Variants in ALMS1 observed in about 807,000 individuals in gnomAD.
ALMS1 encodes the protein ALMS1 centrosome and basal body associated protein.
A neutral mutation model predicts 352.2 loss-of-function variants in ALMS1; 271 were observed. The observed-to-expected ratio is 0.77, with a 90% CI of 0.70 to 0.85. The LOEUF (loss-of-function observed/expected upper bound fraction) is 0.85, where lower values mean the gene tolerates loss of function less well. Among genes scored for constraint, ALMS1 ranks in the 40% least tolerant of loss-of-function variants. The pLI is 0.00. For synonymous variants in ALMS1, 1,865 were observed against 1,761.2 expected, an observed-to-expected ratio of 1.06 and a Z score of -1.48; for missense variants, 5,445 against 4,870.7, an observed-to-expected ratio of 1.12 and a Z score of -3.51.
intron 9 of ALMS1, among the ~76,000 whole-genome samples, chr2:73,484,838 C>T (rs990628431): frequency 1.3e-5 from 2 of 152,218 alleles, no homozygotes; most frequent in South Asian, 2.1e-4. Flanking sequence ...TCTTCCATCG[C>T]TGATACCCTT....
chr2:73,425,748 G>A lies in ALMS1; in HGVS notation c.1238-705G>A, dbSNP rs1671365643. Reference sequence around the variant, plus strand: ...ATGATGAAACCTCTTTATTTGATAGGCTTAAACATCCATGCTATCAGTCTA... The same window carrying A: ...ATGATGAAACCTCTTTATTTGATAGACTTAAACATCCATGCTATCAGTCTA... On this transcript the variant is annotated intron_variant, in intron 5 of 22. Coordinates refer to ENST00000613296, the MANE Select transcript of ALMS1 (RefSeq NM_001378454.1). Among the ~76,000 whole-genome samples, 3 of 152,082 alleles carry A rather than the reference G, an allele frequency of 2.0e-5. No individual in the cohort carries two copies. In the South Asian group the frequency reaches 6.2e-4, roughly 32 times the overall value.
In ALMS1 at chr2:73,453,803, T is replaced by G. The variant is rs549778430; in HGVS notation, c.7276T>G (p.Cys2426Gly). ...TGATGCCAGTGATGGAAATGGTTCC[T>G]GCTCGTGGGACAGTAATTTACCAGA... ...SSDASDGNGS[C>G]SWDSNLPESL... Residue 2426 changes from cysteine (C) to glycine (G), a missense_variant, in exon 8 of 23, where the codon TGC becomes GGC. By Grantham distance (159) the Cys-to-Gly change is radical (BLOSUM62 -3). Transcript: ENST00000613296. 11 of 1,614,166 alleles carry G rather than the reference T, an allele frequency of 6.8e-6. No individual in the cohort carries two copies. The African/African-American group carries it at 1.2e-4, about 18-fold the overall frequency.
At chr2:73,397,063 C>T (rs1455980151) in intron 1 of ALMS1, among the ~76,000 whole-genome samples, 1 of 152,140 alleles carries the variant, frequency 6.6e-6, no homozygotes, top group Non-Finnish European at 1.5e-5. Flanking sequence ...AGGTATTTTT[C>T]TCTCATCTTA....
chr2:73,466,926 T>C (rs192767002), intron 9 of ALMS1, among the ~76,000 whole-genome samples: 371 of 152,268 alleles, frequency 2.4e-3, no homozygotes, highest in South Asian at 0.016. Flanking sequence ...AAAAAGCTGT[T>C]ATTTACTTTA....
chr2:73,389,235 T>G (rs2103625951), intron 1 of ALMS1, among the ~76,000 whole-genome samples: 1 of 152,372 alleles, frequency 6.6e-6, no homozygotes, highest in African/African-American at 2.4e-5. Context: ...CTCGTATGTC[T>G]TCTTTTGAGA....
intron 1 of ALMS1, among the ~76,000 whole-genome samples, chr2:73,396,409 G>A (rs1670762952): frequency 6.6e-6 from 1 of 151,656 alleles, no homozygotes; most frequent in Admixed American, 6.6e-5. Context: ...TTCTTTTGAT[G>A]CTTTTGTCTG....
rs565539935 is a variant in ALMS1, at chr2:73,399,817, C to G, written c.325-8805C>G. On this transcript the variant is annotated intron_variant, in intron 1 of 22. Transcript: ENST00000613296. Reference sequence around the variant, plus strand: ...TCTATGTCAAGTTGAGAATATTCCCCTCTATTCCTATTTTAATGAGAATAT... The same window carrying G: ...TCTATGTCAAGTTGAGAATATTCCCGTCTATTCCTATTTTAATGAGAATAT... Among the ~76,000 whole-genome samples the G allele has an allele frequency of 3.3e-5, 5 of 152,064 alleles. No individual in the cohort carries two copies. The South Asian group carries it at 6.2e-4, about 19-fold the overall frequency.
At position 73,449,934 on chromosome 2, in the gene ALMS1, C is replaced by T. The variant is rs756805885; in HGVS notation, c.3407C>T (p.Thr1136Ile). The T allele has an allele frequency of 8.7e-6, 14 of 1,613,822 alleles. No individual in the cohort carries two copies. The highest frequency in any genetic ancestry group is 9.3e-6 in the Non-Finnish European group (11 of 1,179,954). The stretch of plus-strand genomic sequence containing the variant: ...GGACTAGCAGACCAGAAGACTGGCA[C>T]ACCAACTGTAACCTCAACTTCCTAC... ...APGLADQKTG[T>I]PTVTSTSYSQ... The change falls in exon 8 of 23, where the codon ACA becomes ATA. Residue 1136 changes from threonine (T) to isoleucine (I), a missense_variant. Physicochemically the swap from Thr to Ile is moderately conservative, Grantham distance 89 (BLOSUM62 -1). Coordinates refer to ENST00000613296, the MANE Select transcript of ALMS1 (RefSeq NM_001378454.1).
chr2:73,489,693 T>C lies in ALMS1; in HGVS notation c.7734T>C (p.Ile2578=), dbSNP rs1287366923. The C allele has an allele frequency of 6.2e-7, 1 of 1,614,086 alleles. No homozygotes were observed. Among genetic ancestry groups the C allele is most frequent in the Admixed American group, 1.7e-5 (1 of 60,018 alleles). The part of the protein sequence containing the change: ...CKPEAVCSHI[I]IESHEKGCFR... ...CAGAAGCTGTATGTAGTCACATTAT[T>C]ATTGAGAGCCATGAAAAGGGATGTT... The change falls in exon 10 of 23, where the codon ATT becomes ATC. Residue 2578 remains isoleucine (I), a synonymous_variant. Coordinates refer to ENST00000613296, the MANE Select transcript of ALMS1 (RefSeq NM_001378454.1).
At chr2:73,432,425 C>A in intron 7 of ALMS1, 134 bp downstream of exon 7, 1 of 659,350 alleles carries the variant, frequency 1.5e-6, no homozygotes. Context: ...GTTTATAAAT[C>A]CTGTCTTAGT....
At chr2:73,457,280 G>T (rs1047209141) in intron 9 of ALMS1, 4 of 152,106 alleles carry the variant, frequency 2.6e-5, no homozygotes, top group African/African-American at 9.7e-5. Flanking sequence ...TGCCCAGGCT[G>T]GACTGCAGTG....
intron 10 of ALMS1, among the ~76,000 whole-genome samples, chr2:73,494,279 T>TG (rs1195041181): frequency 2.8e-4 from 42 of 152,294 alleles, no homozygotes; most frequent in African/African-American, 9.6e-4. Context: ...ACCCAAGGGT[T>TG]GGGAATTCCA....
chr2:73,467,728 A>T lies in ALMS1; in HGVS notation c.7674+12433A>T, dbSNP rs149077823. Among the ~76,000 whole-genome samples, 10 of 152,194 alleles carry T rather than the reference A, an allele frequency of 6.6e-5. No individual in the cohort carries two copies. The East Asian group carries it at 1.4e-3, about 21-fold the overall frequency. On this transcript the variant is annotated intron_variant, in intron 9 of 22. Transcript: ENST00000613296. Reference sequence around the variant, plus strand: ...AGAATAGATGAATCAATTATGCTTTATTCATCCAGTGAAATCCTGTGTAGC... The same window carrying T: ...AGAATAGATGAATCAATTATGCTTTTTTCATCCAGTGAAATCCTGTGTAGC...
At chr2:73,507,010 G>GC (rs1287242827) in intron 10 of ALMS1, among the ~76,000 whole-genome samples, 1 of 152,056 alleles carries the variant, frequency 6.6e-6, no homozygotes, top group African/African-American at 2.4e-5. Flanking sequence ...TTTATCGAAG[G>GC]CCTTTTCTGC....
At chr2:73,423,119 A>G in intron 4 of ALMS1, 145 bp downstream of exon 4, 4 of 724,850 alleles carry the variant, frequency 5.5e-6, no homozygotes, top group Non-Finnish European at 7.4e-6. Flanking sequence ...GTCCTGTACT[A>G]AGACTTGATG....
chr2:73,418,695 C>T (rs559732022), intron 2 of ALMS1, among the ~76,000 whole-genome samples: 1 of 152,290 alleles, frequency 6.6e-6, no homozygotes, highest in East Asian at 1.9e-4. Context: ...GTTTCCCAAG[C>T]CACTTCTCAT....
chr2:73,542,742 C>A lies in ALMS1; in HGVS notation c.9908-7525C>A, dbSNP rs193288754. 1.4e-4 allele frequency among the ~76,000 whole-genome samples: 22 copies of A among 152,196 alleles called. No homozygotes were observed. In the East Asian group the frequency reaches 3.7e-3, roughly 25 times the overall value. On this transcript the variant is annotated intron_variant, in intron 12 of 22. Coordinates refer to ENST00000613296, the MANE Select transcript of ALMS1 (RefSeq NM_001378454.1). ...ATAGCAGACAAACCGAGAGCCAAAT[C>A]ATGAGTGAACTCCCATTCACAATTG...
intron 9 of ALMS1, 123 bp downstream of exon 9, chr2:73,455,418 G>C: frequency 7.8e-7 from 1 of 1,280,234 alleles, no homozygotes; most frequent in Non-Finnish European, 1.1e-6. Context: ...TTTTGGTTTT[G>C]TTTTTGAGAC....
intron 12 of ALMS1, among the ~76,000 whole-genome samples, chr2:73,547,385 C>T (rs1034734430): frequency 6.6e-6 from 1 of 152,170 alleles, no homozygotes; most frequent in African/African-American, 2.4e-5. Flanking sequence ...TACGCCAGCT[C>T]AGGGTGACTG....
Sources: gnomAD v4.1 joint callset for allele counts (sites outside exome capture counted in the v4.1 genomes callset) on GRCh38, gnomAD v4.1.1 for gene constraint, MANE v1.5 for transcripts, NCBI Gene and HGNC (gene_info 2026-07-23, HGNC 2026-07-21) for gene names.